Variants in ARID4A observed in about 807,000 individuals in gnomAD.
ARID4A encodes AT-rich interaction domain 4A.
A neutral mutation model predicts 148.6 loss-of-function variants in ARID4A; 39 were observed. The ratio of observed to expected loss-of-function variants is 0.26; its 90% CI spans 0.20 to 0.34. The LOEUF (loss-of-function observed/expected upper bound fraction) is 0.34, where lower values mean the gene tolerates loss of function less well. Ranked by LOEUF, ARID4A falls within the 10% of genes least tolerant of loss-of-function variation. The pLI is 1.00. For missense variants in ARID4A, 1,265 were observed against 1,449.1 expected (o/e 0.87, Z 2.06); for synonymous variants, 475 against 481.2 (o/e 0.99, Z 0.17).
intron 23 of ARID4A, among the ~76,000 whole-genome samples, chr14:58,370,589 G>A (rs1201472690): frequency 6.6e-6 from 1 of 152,014 alleles, no homozygotes; most frequent in Admixed American, 6.6e-5. Context: ...GAGCCACAGC[G>A]CCCAGCCAAA....
intron 5 of ARID4A, among the ~76,000 whole-genome samples, chr14:58,308,661 T>C (rs1271911280): frequency 6.6e-6 from 1 of 152,224 alleles, no homozygotes; most frequent in East Asian, 1.9e-4. Context: ...AACAGTACAA[T>C]GAAATGTAAA....
intron 18 of ARID4A, among the ~76,000 whole-genome samples, chr14:58,359,443 CATT>C (rs1218317498): frequency 6.6e-6 from 1 of 152,170 alleles, no homozygotes; most frequent in Non-Finnish European, 1.5e-5. Flanking sequence ...TACATTGACA[CATT>C]ATTGTCACTC....
Position 58,360,971 on chromosome 14 carries a change from C to A in ARID4A, c.2009C>A (p.Pro670His), listed in dbSNP as rs1488243476. 3 of 1,614,102 alleles carry A rather than the reference C, an allele frequency of 1.9e-6. No individual in the cohort carries two copies. The highest frequency in any genetic ancestry group is 2.5e-6 in the Non-Finnish European group (3 of 1,180,008). ...ERQKSKRGRP[P>H]LKSTLSSNMP... The stretch of plus-strand genomic sequence containing the variant: ...CAGAAGTCAAAACGGGGACGACCTC[C>A]TTTAAAATCAACCCTCTCATCAAAC... The change falls in exon 19 of 24, where the codon CCT becomes CAT. Residue 670 changes from proline (P) to histidine (H), a missense_variant. Physicochemically the swap from Pro to His is moderately conservative, Grantham distance 77. Around this residue, in one of 9 missense-constraint regions of ARID4A, gnomAD observed 666 missense variants for 730.9 expected, o/e 0.91. Transcript: ENST00000355431.
chr14:58,305,157 A>G (rs1229766802), intron 4 of ARID4A, 148 bp downstream of exon 4: 1 of 603,136 alleles, frequency 1.7e-6, no homozygotes, highest in African/African-American at 1.9e-5. Flanking sequence ...ATTAGTATAA[A>G]TTGTGATATT....
At chr14:58,313,626 T>C (rs1170179291) in intron 5 of ARID4A, among the ~76,000 whole-genome samples, 1 of 152,162 alleles carries the variant, frequency 6.6e-6, no homozygotes, top group Admixed American at 6.5e-5. Context: ...TGACAGGTTC[T>C]CTGTAAGCTG....
Position 58,372,159 on chromosome 14 carries a change from CA to C in ARID4A, c.*176del. ...CCCTCTCTCTTCTTTTTTCTTGTTG[CA>C]AAAAATAAGCTGATTAATAAGTGAA... On this transcript the variant is annotated 3_prime_UTR_variant, in exon 24 of 24. Coordinates refer to ENST00000355431, the MANE Select transcript of ARID4A (RefSeq NM_002892.4). The C allele has an allele frequency of 1.9e-6, 1 of 524,156 alleles. No homozygotes were observed. The highest frequency in any genetic ancestry group is 3.4e-6 in the Non-Finnish European group (1 of 297,808). The allele number at this position is 524,156 out of a possible 1,614,324, so 32.5% of individuals were successfully genotyped here.
At chr14:58,347,501 A>G in intron 14 of ARID4A, 146 bp from the exon 15 acceptor site, 1 of 614,478 alleles carries the variant, frequency 1.6e-6, no homozygotes, top group South Asian at 2.9e-5. Context: ...TCTATCTAAA[A>G]CACCAAGAAA....
chr14:58,313,194 G>A (rs138290886), intron 5 of ARID4A, among the ~76,000 whole-genome samples: 6 of 152,278 alleles, frequency 3.9e-5, no homozygotes, highest in Middle Eastern at 3.4e-3. Flanking sequence ...ATAGATGATA[G>A]ATAGACAGAT....
rs1165660356 is a variant in ARID4A, at chr14:58,347,002, A to G, written c.1075-18A>G. ...TAATTCCCTTTGCAAATGTTAACAT[A>G]AAAACTTAATTTTCCAGATTGATAG... On this transcript the variant is annotated intron_variant, in intron 13 of 23. Coordinates refer to ENST00000355431, the MANE Select transcript of ARID4A (RefSeq NM_002892.4). 8.3e-7 allele frequency: 1 copy of G among 1,204,528 alleles called. No individual in the cohort carries two copies. Among genetic ancestry groups the G allele is most frequent in the South Asian group, 1.7e-5 (1 of 60,326 alleles). 74.6% of individuals were successfully genotyped at this position (1,204,528 alleles called of 1,614,324 possible).
In ARID4A at chr14:58,364,744, G is replaced by A; in HGVS notation, c.2655G>A (p.Arg885=). Residue 885 remains arginine, a synonymous_variant, in exon 20 of 24, where the codon AGG becomes AGA. Transcript: ENST00000355431. The part of the protein sequence containing the change: ...MEMTNTVSQE[R]TSDCIGSEGM... ...TGACAAATACTGTATCTCAAGAAAG[G>A]ACCAGTGATTGTATTGGATCTGAGG... 1 of 1,613,950 alleles carries A rather than the reference G, an allele frequency of 6.2e-7. No individual in the cohort carries two copies. Among genetic ancestry groups the A allele is most frequent in the Non-Finnish European group, 8.5e-7 (1 of 1,179,974 alleles).
At chr14:58,364,088 G>A (rs2035247319) in intron 19 of ARID4A, 82 bp from the exon 20 acceptor site, 1 of 736,588 alleles carries the variant, frequency 1.4e-6, no homozygotes. Context: ...GATTTTTATT[G>A]TTATTTTTGG....
At chr14:58,309,926 G>C (rs2031892108) in intron 5 of ARID4A, among the ~76,000 whole-genome samples, 1 of 152,176 alleles carries the variant, frequency 6.6e-6, no homozygotes, top group African/African-American at 2.4e-5. Context: ...AAATTTTGTA[G>C]AATGTCCTGC....
rs574204704 is a variant in ARID4A, at chr14:58,351,169, A to G, written c.1501A>G (p.Lys501Glu). The G allele has an allele frequency of 1.2e-6, 2 of 1,611,824 alleles. No individual in the cohort carries two copies. Among genetic ancestry groups the G allele is most frequent in the East Asian group, 4.5e-5 (2 of 44,852 alleles). Residue 501 changes from lysine to glutamate, a missense_variant, in exon 16 of 24, where the codon AAG (lysine) becomes GAG (glutamate). By Grantham distance (56) the Lys-to-Glu change is moderately conservative (BLOSUM62 1). Transcript: ENST00000355431. ...DKLKDNDTEN[K>E]DVDDDYETAE... is the part of the protein sequence containing the mutation. ...ATTAAAAGATAATGATACAGAAAAT[A>G]AGGATGTAGATGATGACTATGAAAC...
intron 11 of ARID4A, among the ~76,000 whole-genome samples, chr14:58,342,837 C>G (rs965374169): frequency 6.6e-6 from 1 of 151,942 alleles, no homozygotes; most frequent in African/African-American, 2.4e-5. Context: ...CGCTTGAACT[C>G]GGGAGGCAGA....
intron 2 of ARID4A, among the ~76,000 whole-genome samples, chr14:58,300,416 A>G (rs2031053112): frequency 2.0e-5 from 3 of 152,238 alleles, no homozygotes; most frequent in Non-Finnish European, 2.9e-5. Context: ...AAATATCAGT[A>G]TGTGGATGGT....
intron 5 of ARID4A, among the ~76,000 whole-genome samples, chr14:58,317,208 A>G (rs1219269111): frequency 6.7e-6 from 1 of 150,278 alleles, no homozygotes; most frequent in Non-Finnish European, 1.5e-5. Flanking sequence ...AAAAAAAAAA[A>G]GTAGTAAAAG....
intron 2 of ARID4A, among the ~76,000 whole-genome samples, chr14:58,301,163 T>C (rs2031131862): frequency 6.6e-6 from 1 of 152,234 alleles, no homozygotes; most frequent in African/African-American, 2.4e-5. Flanking sequence ...CAATTATGTA[T>C]TGTTAGTGTT....
rs184189844 is a variant in ARID4A, at chr14:58,333,157, G to C, written c.906+2988G>C. ...GAAAAGATTGAGGATCTGACAGAAA[G>C]TAGGTTTTATCTATATTGATTACTT... is the stretch of plus-strand genomic sequence containing the variant. On this transcript the variant is annotated intron_variant, in intron 11 of 23. Transcript: ENST00000355431. Among the ~76,000 whole-genome samples, 546 of 152,150 alleles carry C rather than the reference G, an allele frequency of 3.6e-3. 3 individuals carry two copies. The highest frequency in any genetic ancestry group is 0.013 in the African/African-American group (524 of 41,522).
chr14:58,304,320 C>A (rs556015432), intron 3 of ARID4A, among the ~76,000 whole-genome samples: 10 of 152,238 alleles, frequency 6.6e-5, no homozygotes, highest in Middle Eastern at 3.4e-3. Context: ...CTCTTATTTA[C>A]TTAAAATTAA....
Sources: gnomAD v4.1 joint callset for allele counts (sites outside exome capture counted in the v4.1 genomes callset) on GRCh38, gnomAD v4.1.1 for gene constraint, gnomAD v4.1.1 regional missense constraint, MANE v1.5 for transcripts, NCBI Gene and HGNC (gene_info 2026-07-23, HGNC 2026-07-21) for gene names.